RARB: variants seen among roughly 807,000 people sequenced by gnomAD.
RARB encodes HBV-activated protein.
In RARB, 17 loss-of-function variants were observed where a neutral mutation model predicts 51.9. The ratio of observed to expected loss-of-function variants is 0.33; its 90% CI spans 0.22 to 0.49. The LOEUF (loss-of-function observed/expected upper bound fraction) is 0.49, where lower values mean the gene tolerates loss of function less well. Among genes scored for constraint, RARB ranks in the 20% least tolerant of loss-of-function variants. The pLI is 0.99. For synonymous variants in RARB, 215 were observed against 195.4 expected (o/e 1.10, Z -0.84); for missense variants, 369 against 550.8 (o/e 0.67, Z 3.30).
In RARB at chr3:24,963,063, C is replaced by T. The variant is rs77546038; in HGVS notation, c.-379-97062C>T. ...TAAGTGGTTTGTGCCTCCTGATGAA[C>T]CATGCATGTTAATACTTTGAGGACT... On this transcript the variant is annotated intron_variant, in intron 2 of 11. Coordinates refer to the RARB transcript ENST00000383772. Among the ~76,000 whole-genome samples the T allele has an allele frequency of 5.3e-3, 803 of 152,224 alleles. 8 individuals are homozygous for T. The highest frequency in any genetic ancestry group is 0.018 in the African/African-American group (760 of 41,524).
intron 2 of RARB, among the ~76,000 whole-genome samples, chr3:25,016,919 C>G (rs1166857229): frequency 6.6e-6 from 1 of 152,136 alleles, no homozygotes; most frequent in East Asian, 1.9e-4. Context: ...CATCTGGGTT[C>G]TGAGGAATGT....
intron 2 of RARB, among the ~76,000 whole-genome samples, chr3:24,866,973 T>G (rs79233370): frequency 0.024 from 3,629 of 152,002 alleles, 81 homozygotes; most frequent in Middle Eastern, 0.065. Flanking sequence ...TGGTCTTCAT[T>G]TGGTGGGGTT....
At chr3:25,544,183 G>C (rs1699509046) in intron 3 of RARB, among the ~76,000 whole-genome samples, 1 of 151,906 alleles carries the variant, frequency 6.6e-6, no homozygotes, top group South Asian at 2.1e-4. Flanking sequence ...CAGAAAAATT[G>C]GATATATTAT....
intron 4 of RARB, among the ~76,000 whole-genome samples, chr3:25,145,794 G>C (rs577797531): frequency 6.6e-6 from 1 of 151,952 alleles, no homozygotes; most frequent in African/African-American, 2.4e-5. Context: ...TCAGGAGTTC[G>C]AGACCAGCCT....
intron 5 of RARB, among the ~76,000 whole-genome samples, chr3:25,383,809 A>T (rs950032431): frequency 2.8e-4 from 43 of 152,174 alleles, no homozygotes; most frequent in Admixed American, 2.6e-3. Context: ...AGGCACCTGT[A>T]ATCCCAGCTA....
chr3:25,298,262 A>C (rs375042022), intron 5 of RARB, among the ~76,000 whole-genome samples: 9 of 150,740 alleles, frequency 6.0e-5, no homozygotes, highest in African/African-American at 2.2e-4. Context: ...GGCTCACTGC[A>C]ACCCTTGCCT....
chr3:24,883,607 G>C (rs1703214045), intron 2 of RARB, among the ~76,000 whole-genome samples: 1 of 152,082 alleles, frequency 6.6e-6, no homozygotes, highest in African/African-American at 2.4e-5. Context: ...ACTTTTTGAA[G>C]TTCAATAATT....
chr3:25,577,727 G>C (rs1264151473), intron 4 of RARB, among the ~76,000 whole-genome samples: 1 of 152,200 alleles, frequency 6.6e-6, no homozygotes, highest in Non-Finnish European at 1.5e-5. Flanking sequence ...CAGGAAGGCA[G>C]CCCGTTGCAG....
At chr3:25,332,726 A>C (rs1302611649) in intron 5 of RARB, among the ~76,000 whole-genome samples, 2 of 152,198 alleles carry the variant, frequency 1.3e-5, no homozygotes, top group Admixed American at 1.3e-4. Context: ...GGAAAAGAGG[A>C]AGTCAAATTG....
At chr3:25,534,878 C>T (rs764373604) in intron 3 of RARB, among the ~76,000 whole-genome samples, 5 of 152,226 alleles carry the variant, frequency 3.3e-5, no homozygotes, top group African/African-American at 4.8e-5. Flanking sequence ...GAGGCCATCA[C>T]TCCTCCAGAG....
intron 2 of RARB, among the ~76,000 whole-genome samples, chr3:24,909,228 T>A (rs1054275930): frequency 6.6e-6 from 1 of 152,244 alleles, no homozygotes; most frequent in Non-Finnish European, 1.5e-5. Context: ...CTTGCCTGTC[T>A]TTGTTCTCAC....
chr3:24,948,791 T>C (rs13063815), intron 2 of RARB, among the ~76,000 whole-genome samples: 19,000 of 152,176 alleles, frequency 0.12, 1,384 homozygotes, highest in Non-Finnish European at 0.16. Context: ...ACCTCCCCCT[T>C]CTCCCTCTCT....
rs548477507 is a variant in RARB, at chr3:25,174,549, G to C, written c.152G>C (p.Ser51Thr). 3 of 1,352,108 alleles carry C rather than the reference G, an allele frequency of 2.2e-6. No homozygotes were observed. In the African/African-American group the frequency reaches 4.4e-5, roughly 20 times the overall value. 83.8% of individuals were successfully genotyped at this position (1,352,108 alleles called of 1,614,324 possible). Residue 51 changes from serine to threonine, a missense_variant, in exon 5 of 12, where the codon AGT becomes ACT. Physicochemically the swap from Ser to Thr is moderately conservative, Grantham distance 58. Coordinates refer to the RARB transcript ENST00000383772. ...GGCCTTCATGGACATCCGCCTCCGAGTGGATGCAGCACCCCGTCGCCGGCA... is the reference window on the plus strand; with the variant it reads ...GGCCTTCATGGACATCCGCCTCCGACTGGATGCAGCACCCCGTCGCCGGCA...
intron 2 of RARB, among the ~76,000 whole-genome samples, chr3:25,498,035 C>T (rs1697126251): frequency 6.6e-6 from 1 of 152,086 alleles, no homozygotes; most frequent in African/African-American, 2.4e-5. Context: ...GGGCTCCTGG[C>T]CTGCAGCAGA....
intron 5 of RARB, among the ~76,000 whole-genome samples, chr3:25,226,873 A>C (rs546288169): frequency 4.6e-5 from 7 of 152,230 alleles, no homozygotes; most frequent in Non-Finnish European, 1.0e-4. Flanking sequence ...AACCTCAGGA[A>C]GACTTAACTC....
intron 5 of RARB, among the ~76,000 whole-genome samples, chr3:25,356,607 T>G (rs1255086605): frequency 1.3e-5 from 2 of 152,128 alleles, no homozygotes; most frequent in South Asian, 2.1e-4. Context: ...GGTGGTTTGC[T>G]GCACCCATCA....
chr3:25,535,658 G>T (rs1191170630), intron 3 of RARB, among the ~76,000 whole-genome samples: 12 of 152,092 alleles, frequency 7.9e-5, no homozygotes, highest in Admixed American at 5.9e-4. Flanking sequence ...AGAACATGCG[G>T]TGTTTGGCTT....
chr3:25,059,455 G>C (rs1249039814), intron 2 of RARB, among the ~76,000 whole-genome samples: 2 of 151,400 alleles, frequency 1.3e-5, no homozygotes, highest in Admixed American at 6.6e-5. Flanking sequence ...ACTTTTACTT[G>C]GTACTTGTTT....
At chr3:25,183,611 T>C (rs771973359) in intron 5 of RARB, among the ~76,000 whole-genome samples, 5 of 152,166 alleles carry the variant, frequency 3.3e-5, no homozygotes, top group Non-Finnish European at 7.4e-5. Flanking sequence ...GTGGCAGTGA[T>C]CTTATTATAA....
Sources: gnomAD v4.1 joint callset for allele counts (sites outside exome capture counted in the v4.1 genomes callset) on GRCh38, gnomAD v4.1.1 for gene constraint, MANE v1.5 for transcripts, NCBI Gene and HGNC (gene_info 2026-07-23, HGNC 2026-07-21) for gene names.